The following SNX29 variants were observed in gnomAD, a reference collection of about 807,000 sequenced individuals.
SNX29 encodes sorting nexin-29.
A neutral mutation model predicts 102.1 loss-of-function variants in SNX29; 78 were observed. The observed-to-expected ratio is 0.76, with a 90% confidence interval of 0.64 to 0.92. The LOEUF (loss-of-function observed/expected upper bound fraction) is 0.92. Ranked by LOEUF, SNX29 falls within the 40% of genes least tolerant of loss-of-function variation. SNX29 has a pLI of 0.00. For missense variants in SNX29, 1,280 were observed against 1,061.7 expected (o/e 1.21, Z -2.86); for synonymous variants, 580 against 414.5 (o/e 1.40, Z -4.85).
intron 20 of SNX29, among the ~76,000 whole-genome samples, chr16:12,528,593 C>T (rs903096097): frequency 2.6e-5 from 4 of 152,142 alleles, no homozygotes; most frequent in Non-Finnish European, 5.9e-5. Flanking sequence ...CCCCCATCTC[C>T]TGTTGTCTCC....
chr16:12,537,446 C>T (rs1056688696), intron 20 of SNX29, among the ~76,000 whole-genome samples: 3 of 152,234 alleles, frequency 2.0e-5, no homozygotes, highest in South Asian at 4.2e-4. Context: ...GCCTTGTGAA[C>T]TTCACCTCTG....
At chr16:12,466,603 A>G (rs2087064312) in intron 18 of SNX29, among the ~76,000 whole-genome samples, 1 of 152,068 alleles carries the variant, frequency 6.6e-6, no homozygotes, top group African/African-American at 2.4e-5. Flanking sequence ...GCTTGTGTCC[A>G]CCACTCCCTT....
chr16:12,043,054 C>G lies in SNX29; in HGVS notation c.405C>G (p.Leu135=). ...CCCTGGAGCGCTACCTGCACATGCT[C>G]CTGGCCGACCGCTGCAGGCTGAGGT... ...EHSLERYLHM[L]LADRCRLSTF... The change falls in exon 5 of 21, where the codon CTC becomes CTG. Residue 135 remains leucine (L), a synonymous_variant. Coordinates refer to ENST00000566228, the MANE Select transcript of SNX29 (RefSeq NM_032167.5). 6.2e-7 allele frequency: 1 copy of G among 1,613,404 alleles called. No homozygotes were observed. The highest frequency in any genetic ancestry group is 8.5e-7 in the Non-Finnish European group (1 of 1,179,854).
chr16:12,216,137 CA>C (rs2077317228), intron 14 of SNX29, among the ~76,000 whole-genome samples: 1 of 151,926 alleles, frequency 6.6e-6, no homozygotes. Context: ...ATTAAAAACC[CA>C]AAATTATATT....
chr16:12,561,110 G>C (rs2078700704), intron 20 of SNX29: 2 of 227,456 alleles, frequency 8.8e-6, no homozygotes, highest in Non-Finnish European at 1.7e-5. Flanking sequence ...AGATTTCACG[G>C]GGCACCCATC....
rs535398163 is a variant in SNX29, at chr16:12,045,986, T to C, written c.429-398T>C. On this transcript the variant is annotated intron_variant, in intron 5 of 20. Transcript: ENST00000566228. The stretch of plus-strand genomic sequence containing the variant: ...CCGTAGAGGCTCTGTAATTTCTGTC[T>C]GAAATGGTCTCTTCTTGTATTAGGC... Among the ~76,000 whole-genome samples, 8 of 152,268 alleles carry C rather than the reference T, an allele frequency of 5.3e-5. No individual in the cohort carries two copies. The East Asian group carries it at 1.2e-3, about 22-fold the overall frequency.
chr16:12,533,639 C>T (rs895616975), intron 20 of SNX29, among the ~76,000 whole-genome samples: 1 of 152,158 alleles, frequency 6.6e-6, no homozygotes, highest in African/African-American at 2.4e-5. Context: ...AAATTGGGGC[C>T]TTGGTTCTGT....
intron 15 of SNX29, among the ~76,000 whole-genome samples, chr16:12,353,498 C>T (rs112126390): frequency 0.019 from 2,737 of 144,576 alleles, 127 homozygotes; most frequent in African/African-American, 0.076. Flanking sequence ...GACGCACAGC[C>T]ACAGGCTCAT....
intron 18 of SNX29, among the ~76,000 whole-genome samples, chr16:12,434,189 C>T (rs2085431689): frequency 6.6e-6 from 1 of 152,168 alleles, no homozygotes; most frequent in East Asian, 1.9e-4. Flanking sequence ...CCTTTCTGGG[C>T]CTCAGTTTCC....
intron 19 of SNX29, among the ~76,000 whole-genome samples, chr16:12,507,304 A>G (rs2089422150): frequency 2.0e-5 from 3 of 152,222 alleles, no homozygotes; most frequent in African/African-American, 4.8e-5. Flanking sequence ...GCTGCTGTTT[A>G]TAGTCAGAGA....
chr16:12,025,790 G>T (rs1303950356), intron 3 of SNX29, among the ~76,000 whole-genome samples: 1 of 152,164 alleles, frequency 6.6e-6, no homozygotes, highest in Non-Finnish European at 1.5e-5. Flanking sequence ...GGTAGCCAGA[G>T]GACTTTTATC....
chr16:12,013,252 C>T (rs982547376), intron 3 of SNX29, among the ~76,000 whole-genome samples: 1 of 150,962 alleles, frequency 6.6e-6, no homozygotes, highest in Non-Finnish European at 1.5e-5. Flanking sequence ...ATAAAGACAC[C>T]GAAATTCACT....
At chr16:12,249,729 G>A (rs1427735225) in intron 14 of SNX29, among the ~76,000 whole-genome samples, 1 of 152,184 alleles carries the variant, frequency 6.6e-6, no homozygotes, top group Non-Finnish European at 1.5e-5. Context: ...TGAGAATTAG[G>A]TGAATAATAC....
chr16:12,050,773 G>T (rs145417069), intron 7 of SNX29, among the ~76,000 whole-genome samples: 1 of 151,826 alleles, frequency 6.6e-6, no homozygotes, highest in Non-Finnish European at 1.5e-5. Flanking sequence ...GTGCAATGGC[G>T]CAATCTTGGC....
Position 12,361,104 on chromosome 16 carries a change from A to C in SNX29, c.1899+4825A>C, listed in dbSNP as rs111862023. Among the ~76,000 whole-genome samples the C allele has an allele frequency of 4.8e-3, 726 of 152,296 alleles. 5 individuals are homozygous for C. Among genetic ancestry groups the C allele is most frequent in the African/African-American group, 0.017 (704 of 41,556 alleles). Reference sequence around the variant, plus strand: ...CACATTAGAGACTTGGGCAGCATCTAATCTACCTCCTCTGAGAAAGGACAA... The same window carrying C: ...CACATTAGAGACTTGGGCAGCATCTCATCTACCTCCTCTGAGAAAGGACAA... On this transcript the variant is annotated intron_variant, in intron 16 of 20. Transcript: ENST00000566228.
intron 4 of SNX29, among the ~76,000 whole-genome samples, chr16:12,036,174 C>T (rs1347813640): frequency 6.6e-6 from 1 of 151,962 alleles, no homozygotes; most frequent in East Asian, 1.9e-4. Flanking sequence ...TCCTGGGGTC[C>T]AGCCATCTTC....
chr16:12,027,741 G>A, intron 4 of SNX29: 1 of 204,696 alleles, frequency 4.9e-6, no homozygotes, highest in South Asian at 9.4e-5. Flanking sequence ...GCCAGTTGCT[G>A]GGAAATTAAT....
intron 10 of SNX29, among the ~76,000 whole-genome samples, chr16:12,070,834 T>G (rs537298501): frequency 2.0e-5 from 3 of 152,002 alleles, no homozygotes; most frequent in Non-Finnish European, 2.9e-5. Flanking sequence ...TCCAGCACCT[T>G]TTGTTTCCTG....
At chr16:12,328,164 A>C (rs765840256) in intron 15 of SNX29, among the ~76,000 whole-genome samples, 8 of 152,312 alleles carry the variant, frequency 5.3e-5, no homozygotes, top group Non-Finnish European at 1.0e-4. Context: ...CGTTTGGCAC[A>C]GTGCCTCCCG....
Sources: gnomAD v4.1 joint callset for allele counts (sites outside exome capture counted in the v4.1 genomes callset) on GRCh38, gnomAD v4.1.1 for gene constraint, MANE v1.5 for transcripts, NCBI Gene and HGNC (gene_info 2026-07-23, HGNC 2026-07-21) for gene names.